ABLIM1: variants seen among roughly 807,000 people sequenced by gnomAD.
The protein encoded by ABLIM1 is actin-binding LIM protein 1.
A neutral mutation model predicts 107.0 loss-of-function variants in ABLIM1; 40 were observed. That is an observed-to-expected ratio of 0.37 (90% CI 0.29 to 0.49). The LOEUF (loss-of-function observed/expected upper bound fraction) is 0.49. Ranked by LOEUF, ABLIM1 falls within the 20% of genes least tolerant of loss-of-function variation. The probability of loss-of-function intolerance (pLI) is 0.97; values close to 1 mark genes in which losing one functional copy is unlikely to be tolerated. For synonymous variants in ABLIM1, 357 were observed against 357.3 expected, an observed-to-expected ratio of 1.00 and a Z score of 0.01; for missense variants, 857 against 1,008.5, an observed-to-expected ratio of 0.85 and a Z score of 2.04.
At chr10:114,645,130 C>T (rs1566168562) in intron 1 of ABLIM1, among the ~76,000 whole-genome samples, 1 of 152,140 alleles carries the variant, frequency 6.6e-6, no homozygotes, top group South Asian at 2.1e-4. Flanking sequence ...AATCTGTCAG[C>T]GCCCTACCCA....
intron 1 of ABLIM1, among the ~76,000 whole-genome samples, chr10:114,767,910 C>A (rs111505103): frequency 6.6e-6 from 1 of 152,076 alleles, no homozygotes; most frequent in Admixed American, 6.5e-5. Context: ...CCTTCCCCTG[C>A]CCCCGGCCCC....
Position 114,488,024 on chromosome 10 carries a change from G to T in ABLIM1, c.983-8C>A, listed in dbSNP as rs2058433672. ...GATGCCAAACGGTGGAGCCTGAGAA[G>T]ACAGAATGCACTACTAAGAGCCAGG... On this transcript the variant is annotated splice_region_variant and splice_polypyrimidine_tract_variant and intron_variant, in intron 7 of 22. Coordinates refer to ENST00000533213, the MANE Select transcript of ABLIM1 (RefSeq NM_002313.7). 3 of 1,613,958 alleles carry T rather than the reference G, an allele frequency of 1.9e-6. No individual in the cohort carries two copies. The African/African-American group carries it at 4.0e-5, about 22-fold the overall frequency.
intron 3 of ABLIM1, among the ~76,000 whole-genome samples, chr10:114,573,560 C>T (rs1049725720): frequency 6.6e-6 from 1 of 152,212 alleles, no homozygotes; most frequent in African/African-American, 2.4e-5. Context: ...TTACTGGGAA[C>T]ACGGCCTTCC....
intron 4 of ABLIM1, among the ~76,000 whole-genome samples, chr10:114,556,346 G>A (rs998732341): frequency 6.6e-6 from 1 of 152,318 alleles, no homozygotes; most frequent in South Asian, 2.1e-4. Flanking sequence ...CCCCTGACAT[G>A]TGGATTCCAC....
chr10:114,746,346 T>C (rs1030335890), intron 1 of ABLIM1, among the ~76,000 whole-genome samples: 10 of 152,238 alleles, frequency 6.6e-5, no homozygotes, highest in African/African-American at 2.4e-4. Context: ...GGTACTTGCC[T>C]TTCAGTGTCT....
At chr10:114,636,053 T>C (rs2078463600) in intron 1 of ABLIM1, among the ~76,000 whole-genome samples, 1 of 152,156 alleles carries the variant, frequency 6.6e-6, no homozygotes, top group South Asian at 2.1e-4. Context: ...GCGGAGGAGA[T>C]ATATGCACAC....
At position 114,720,600 on chromosome 10, in the gene ABLIM1, C is replaced by T. The variant is rs182177683; in HGVS notation, c.-213+47461G>A. On this transcript the variant is annotated intron_variant, in intron 1 of 15. Transcript: ENST00000651092. Reference sequence around the variant, plus strand: ...CAGGCTGCTTCAGCCAATGAGAAAACACAGAGAGAGATCTTTGGGAAGGAA... The same window carrying T: ...CAGGCTGCTTCAGCCAATGAGAAAATACAGAGAGAGATCTTTGGGAAGGAA... Among the ~76,000 whole-genome samples, 538 of 152,224 alleles carry T rather than the reference C, an allele frequency of 3.5e-3. 2 individuals carry two copies. Among genetic ancestry groups the T allele is most frequent in the Non-Finnish European group, 4.7e-3 (320 of 68,028 alleles).
chr10:114,626,199 C>T (rs932388949), intron 1 of ABLIM1, among the ~76,000 whole-genome samples: 2 of 152,040 alleles, frequency 1.3e-5, no homozygotes, highest in Admixed American at 6.6e-5. Flanking sequence ...CATCACTGTC[C>T]TCAGGAGCTG....
intron 3 of ABLIM1, among the ~76,000 whole-genome samples, chr10:114,574,088 G>A (rs999699632): frequency 2.6e-5 from 4 of 152,050 alleles, no homozygotes; most frequent in African/African-American, 9.7e-5. Context: ...GTATTATCTT[G>A]TTAATTAATT....
chr10:114,755,403 G>A lies in ABLIM1; in HGVS notation c.-213+12658C>T, dbSNP rs2082606619. ...GTTCTAGAAGGCAGGAGAAAAACAG[G>A]AGTGACTATGGCCTTCCAATTCTGA... On this transcript the variant is annotated intron_variant, in intron 1 of 15. Transcript: ENST00000651092. Among the ~76,000 whole-genome samples the A allele has an allele frequency of 2.0e-5, 3 of 152,262 alleles. No individual in the cohort carries two copies. The South Asian group carries it at 6.2e-4, about 32-fold the overall frequency.
intron 21 of ABLIM1, among the ~76,000 whole-genome samples, chr10:114,438,178 G>C (rs573239967): frequency 6.6e-6 from 1 of 152,300 alleles, no homozygotes; most frequent in African/African-American, 2.4e-5. Context: ...TTGTTGAGTG[G>C]CAGAACACTA....
chr10:114,721,060 G>A (rs2081834405), intron 1 of ABLIM1, among the ~76,000 whole-genome samples: 3 of 152,184 alleles, frequency 2.0e-5, no homozygotes, highest in African/African-American at 2.4e-5. Context: ...CTACATAAAC[G>A]CCTGACCTGG....
chr10:114,631,794 G>T, intron 1 of ABLIM1: 1 of 1,183,272 alleles, frequency 8.5e-7, no homozygotes, highest in Non-Finnish European at 1.1e-6. Flanking sequence ...CTCACACCGA[G>T]AACATGTCCG....
intron 6 of ABLIM1, among the ~76,000 whole-genome samples, chr10:114,509,881 C>T (rs537353191): frequency 6.5e-4 from 99 of 152,282 alleles, no homozygotes; most frequent in African/African-American, 2.0e-3. Flanking sequence ...ATGGCTGACA[C>T]GGGGAGGCCT....
At chr10:114,775,599 C>T in the ABLIM1 span, among the ~76,000 whole-genome samples, 1 of 152,154 alleles carries the variant, frequency 6.6e-6, no homozygotes, top group Non-Finnish European at 1.5e-5. Context: ...TGAAGACACA[C>T]GTTTTACAAG....
chr10:114,477,148 T>C (rs1236017291), intron 8 of ABLIM1, among the ~76,000 whole-genome samples: 1 of 152,218 alleles, frequency 6.6e-6, no homozygotes, highest in African/African-American at 2.4e-5. Flanking sequence ...AGCCCTGCAC[T>C]AAAATTTTGC....
At chr10:114,610,286 G>T (rs2076719630) in intron 1 of ABLIM1, among the ~76,000 whole-genome samples, 1 of 152,226 alleles carries the variant, frequency 6.6e-6, no homozygotes, top group Non-Finnish European at 1.5e-5. Flanking sequence ...GCCACCTCCA[G>T]CCTGAGCAGA....
intron 1 of ABLIM1, among the ~76,000 whole-genome samples, chr10:114,649,964 C>T (rs2079170323): frequency 1.3e-5 from 2 of 151,826 alleles, no homozygotes; most frequent in African/African-American, 2.4e-5. Context: ...CAAGCAATTT[C>T]CCAGCCTCAG....
chr10:114,539,450 C>A (rs1375250637), intron 6 of ABLIM1, among the ~76,000 whole-genome samples: 1 of 152,150 alleles, frequency 6.6e-6, no homozygotes, highest in Non-Finnish European at 1.5e-5. Context: ...AAAGCACCAT[C>A]AAAAACAATC....
Sources: allele counts gnomAD v4.1 joint callset (sites outside exome capture counted in the v4.1 genomes callset), GRCh38; gene constraint gnomAD v4.1.1; transcripts MANE v1.5; gene names NCBI Gene and HGNC (gene_info 2026-07-23, HGNC 2026-07-21).